RALGAPA1: variants seen among roughly 807,000 people sequenced by gnomAD.
The protein encoded by RALGAPA1 is ral GTPase-activating protein subunit alpha-1.
RALGAPA1 carries 52 observed loss-of-function variants against 269.6 expected under a neutral mutation model. That is an observed-to-expected ratio of 0.19 (90% CI 0.15 to 0.24). The LOEUF is 0.24. RALGAPA1 is among the 10% of genes least tolerant of loss of function. The probability of loss-of-function intolerance (pLI) is 1.00; values close to 1 mark genes in which losing one functional copy is unlikely to be tolerated. For missense variants in RALGAPA1, 1,917 were observed against 3,013.9 expected, an observed-to-expected ratio of 0.64 and a Z score of 8.52; for synonymous variants, 817 against 1,008.3, an observed-to-expected ratio of 0.81 and a Z score of 3.60.
At chr14:35,748,426 G>C (rs2072342602) in intron 10 of RALGAPA1, 159 bp downstream of exon 10, 1 of 623,124 alleles carries the variant, frequency 1.6e-6, no homozygotes, top group Non-Finnish European at 2.3e-6. Flanking sequence ...GTTGTCCAAA[G>C]TGGCCTCAAA....
At position 35,798,784 on chromosome 14, in the gene RALGAPA1, G is replaced by C. The variant is rs561112171; in HGVS notation, c.106+9946C>G. Among the ~76,000 whole-genome samples the C allele has an allele frequency of 2.6e-5, 4 of 152,144 alleles. No homozygotes were observed. In the East Asian group the frequency reaches 5.8e-4, roughly 22 times the overall value. On this transcript the variant is annotated intron_variant, in intron 1 of 41. Transcript: ENST00000680220. ...GGCACACGATCACTTGGGGCCAGGA[G>C]TTCGAAACCAGTCTGGCCAACAAGG...
chr14:35,789,494 A>T (rs2076009630), intron 1 of RALGAPA1, among the ~76,000 whole-genome samples: 1 of 152,102 alleles, frequency 6.6e-6, no homozygotes, highest in Non-Finnish European at 1.5e-5. Context: ...AGGGAGGCTG[A>T]GGCAGGAGAA....
At chr14:35,802,283 G>C (rs2077033708) in intron 1 of RALGAPA1, among the ~76,000 whole-genome samples, 1 of 152,132 alleles carries the variant, frequency 6.6e-6, no homozygotes, top group Non-Finnish European at 1.5e-5. Flanking sequence ...ACTCCAGCCT[G>C]GGCAACAGAG....
At chr14:35,650,175 C>T (rs987877665) in intron 31 of RALGAPA1, among the ~76,000 whole-genome samples, 3 of 151,976 alleles carry the variant, frequency 2.0e-5, no homozygotes, top group East Asian at 1.9e-4. Flanking sequence ...AGTTTGAGAC[C>T]GGCCTGGCCA....
intron 2 of RALGAPA1, 46 bp from the exon 3 acceptor site, chr14:35,775,101 CT>C (rs2074924339): frequency 3.7e-6 from 4 of 1,070,698 alleles, no homozygotes; most frequent in Non-Finnish European, 5.6e-6. Flanking sequence ...TCATTTTGTC[CT>C]CATAATGAAC....
intron 36 of RALGAPA1, among the ~76,000 whole-genome samples, chr14:35,597,231 T>C (rs2058980560): frequency 2.0e-5 from 3 of 152,202 alleles, no homozygotes; most frequent in Non-Finnish European, 2.9e-5. Flanking sequence ...CAAAACACAC[T>C]ACCAAGTTGC....
intron 35 of RALGAPA1, among the ~76,000 whole-genome samples, chr14:35,613,916 A>C (rs1355383852): frequency 6.6e-6 from 1 of 152,208 alleles, no homozygotes; most frequent in Admixed American, 6.5e-5. Flanking sequence ...AGCAATGAAA[A>C]ATACTCATGA....
intron 41 of RALGAPA1, among the ~76,000 whole-genome samples, chr14:35,543,097 G>A (rs2139003150): frequency 6.6e-6 from 1 of 152,248 alleles, no homozygotes; most frequent in East Asian, 1.9e-4. Context: ...GAAAGAACAT[G>A]GGCATAGGTT....
At chr14:35,608,623 GTCAAC>G (rs2059731036) in intron 35 of RALGAPA1, among the ~76,000 whole-genome samples, 1 of 152,134 alleles carries the variant, frequency 6.6e-6, no homozygotes, top group Non-Finnish European at 1.5e-5. Context: ...ATGATACAAT[GTCAAC>G]CTAACAGGAA....
At chr14:35,683,534 AT>A (rs952427132) in intron 21 of RALGAPA1, 277 of 245,706 alleles carry the variant, frequency 1.1e-3, no homozygotes, top group East Asian at 1.9e-3. Flanking sequence ...TCCCATTAAA[AT>A]TTTTTTTTAA....
chr14:35,638,902 G>C (rs2061831642), intron 31 of RALGAPA1, among the ~76,000 whole-genome samples: 1 of 151,538 alleles, frequency 6.6e-6, no homozygotes, highest in Non-Finnish European at 1.5e-5. Flanking sequence ...CTCCAGCCTG[G>C]GTGACAGAGC....
At chr14:35,676,377 A>G (rs1244849593) in intron 22 of RALGAPA1, 2 of 151,600 alleles carry the variant, frequency 1.3e-5, no homozygotes, top group African/African-American at 2.4e-5. Flanking sequence ...ATGATCAGCT[A>G]ATTTTTGTAT....
intron 12 of RALGAPA1, among the ~76,000 whole-genome samples, chr14:35,732,516 A>C (rs8021444): frequency 0.35 from 52,879 of 151,994 alleles, 12,678 homozygotes; most frequent in African/African-American, 0.67. Context: ...AGGAGACTCA[A>C]CAAACACAGA....
At chr14:35,696,643 C>T (rs866357173) in intron 17 of RALGAPA1, among the ~76,000 whole-genome samples, 1 of 151,860 alleles carries the variant, frequency 6.6e-6, no homozygotes, top group African/African-American at 2.4e-5. Context: ...CCCTTTACCT[C>T]CCCAATTATC....
intron 21 of RALGAPA1, among the ~76,000 whole-genome samples, chr14:35,682,117 A>T (rs548004934): frequency 9.9e-5 from 15 of 152,284 alleles, no homozygotes; most frequent in African/African-American, 3.4e-4. Flanking sequence ...AGCTGCCATG[A>T]TCTTTTGCGT....
intron 26 of RALGAPA1, among the ~76,000 whole-genome samples, chr14:35,667,720 G>C (rs1002234832): frequency 6.6e-6 from 1 of 152,184 alleles, no homozygotes; most frequent in Admixed American, 6.5e-5. Flanking sequence ...ATGTAAATTA[G>C]TATAGCTGCT....
chr14:35,593,875 TA>T (rs1350484139), intron 37 of RALGAPA1, among the ~76,000 whole-genome samples: 1 of 151,104 alleles, frequency 6.6e-6, no homozygotes, highest in Non-Finnish European at 1.5e-5. Flanking sequence ...AATAAAATAT[TA>T]TATTATATTA....
In RALGAPA1 at chr14:35,758,703, A is replaced by G. The variant is rs368701618; in HGVS notation, c.548-1795T>C. ...ACAGTGCATTATGATCGCACCTGTGAATAGCCACTGCACTCTAATCTGGGC... is the reference window on the plus strand; with the variant it reads ...ACAGTGCATTATGATCGCACCTGTGGATAGCCACTGCACTCTAATCTGGGC... On this transcript the variant is annotated intron_variant, in intron 6 of 41. Coordinates refer to ENST00000680220, the MANE Select transcript of RALGAPA1 (RefSeq NM_001346249.2). Among the ~76,000 whole-genome samples, 11 of 152,178 alleles carry G rather than the reference A, an allele frequency of 7.2e-5. No individual in the cohort carries two copies. In the South Asian group the frequency reaches 1.5e-3, roughly 20 times the overall value.
intron 37 of RALGAPA1, among the ~76,000 whole-genome samples, chr14:35,593,534 A>G (rs985719182): frequency 2.6e-5 from 4 of 152,054 alleles, no homozygotes; most frequent in African/African-American, 7.2e-5. Flanking sequence ...CTAAACTGAG[A>G]AAAAAACACA....
Sources: allele counts gnomAD v4.1 joint callset (sites outside exome capture counted in the v4.1 genomes callset), GRCh38; gene constraint gnomAD v4.1.1; transcripts MANE v1.5; gene names NCBI Gene and HGNC (gene_info 2026-07-23, HGNC 2026-07-21).